The following CALD1 variants were observed in gnomAD, a reference collection of about 807,000 sequenced individuals.
The protein encoded by CALD1 is caldesmon 1.
In CALD1, 33 loss-of-function variants were observed where a neutral mutation model predicts 99.9. The observed-to-expected ratio is 0.33, with a 90% CI of 0.25 to 0.44. The LOEUF is 0.44. Among genes scored for constraint, CALD1 ranks in the 20% least tolerant of loss-of-function variants. The pLI, the probability that CALD1 is intolerant of heterozygous loss-of-function variation, is 1.00. For missense variants in CALD1, 861 were observed against 962.1 expected (o/e 0.89, Z 1.39); for synonymous variants, 310 against 325.0 (o/e 0.95, Z 0.50).
chr7:134,755,389 T>G (rs1290583392), intron 1 of CALD1, among the ~76,000 whole-genome samples: 6 of 152,346 alleles, frequency 3.9e-5, no homozygotes, highest in Non-Finnish European at 5.9e-5. Flanking sequence ...GAAAATATGC[T>G]TCATTATTGT....
At chr7:134,829,934 A>T (rs1040085768) in intron 1 of CALD1, among the ~76,000 whole-genome samples, 1 of 152,180 alleles carries the variant, frequency 6.6e-6, no homozygotes, top group Admixed American at 6.5e-5. Context: ...AGAGGGAGTA[A>T]CGGTAGATGA....
chr7:134,766,599 C>G (rs1796828955), intron 1 of CALD1, among the ~76,000 whole-genome samples: 1 of 152,172 alleles, frequency 6.6e-6, no homozygotes, highest in Non-Finnish European at 1.5e-5. Flanking sequence ...CGCAAAGCAG[C>G]TTCATATGCA....
At chr7:134,854,847 T>C (rs1240289644) in intron 2 of CALD1, among the ~76,000 whole-genome samples, 1 of 152,194 alleles carries the variant, frequency 6.6e-6, no homozygotes, top group Admixed American at 6.5e-5. Flanking sequence ...TCATGTCGAA[T>C]TGTGATCCCC....
intron 3 of CALD1, among the ~76,000 whole-genome samples, chr7:134,909,588 C>T (rs1395306769): frequency 6.6e-6 from 1 of 152,108 alleles, no homozygotes; most frequent in Non-Finnish European, 1.5e-5. Flanking sequence ...GAGGCTGAGG[C>T]AGGAGAATTG....
At chr7:134,865,682 T>G (rs541128320) in intron 2 of CALD1, among the ~76,000 whole-genome samples, 4 of 152,206 alleles carry the variant, frequency 2.6e-5, no homozygotes, top group Non-Finnish European at 4.4e-5. Context: ...GACCTCACGA[T>G]GTTAGTTTCA....
At chr7:134,824,257 G>T (rs17168075) in intron 1 of CALD1, among the ~76,000 whole-genome samples, 6,838 of 152,232 alleles carry the variant, frequency 0.045, 498 homozygotes, top group African/African-American at 0.15. Flanking sequence ...GGGACTCAAA[G>T]GTGGTCATTT....
In CALD1 at chr7:134,839,074, CAG is replaced by C. The variant is rs373610172; in HGVS notation, c.-129-4807_-129-4806del. The stretch of plus-strand genomic sequence containing the variant: ...TTCAGAAGCACCCTAAATGTCCCTT[CAG>C]AGTCATGCCTTCCCCCACCCAGCCA... On this transcript the variant is annotated intron_variant, in intron 1 of 14. Transcript: ENST00000361675. Among the ~76,000 whole-genome samples the C allele has an allele frequency of 5.9e-3, 898 of 152,336 alleles. 14 individuals carry two copies. Among genetic ancestry groups the C allele is most frequent in the African/African-American group, 0.02 (850 of 41,584 alleles).
chr7:134,927,551 C>CA (rs58182455), intron 3 of CALD1, among the ~76,000 whole-genome samples: 18,942 of 40,092 alleles, frequency 0.47, 4,755 homozygotes, highest in East Asian at 0.83. Flanking sequence ...GACTGTGTCT[C>CA]AAAAAAAAAA....
At position 134,905,956 on chromosome 7, in the gene CALD1, T is replaced by G. The variant is rs201486943; in HGVS notation, c.72-22798T>G. Among the ~76,000 whole-genome samples, 109 of 144,904 alleles carry G rather than the reference T, an allele frequency of 7.5e-4. 3 individuals are homozygous for G. The East Asian group carries it at 0.018, about 23-fold the overall frequency. The stretch of plus-strand genomic sequence containing the variant: ...TTTTTTTTTTTTTTTTGAGACAGAG[T>G]TTTGCTCTTGTCTCCCATTCTGGAG... On this transcript the variant is annotated intron_variant, in intron 3 of 14. Transcript: ENST00000361675.
At chr7:134,932,964 G>A in intron 4 of CALD1, 24 bp from the exon 5 acceptor site, 11 of 1,512,466 alleles carry the variant, frequency 7.3e-6, no homozygotes, top group Non-Finnish European at 1.0e-5. Flanking sequence ...AGCTGTCTTT[G>A]GTGTTGTTCT....
chr7:134,938,878 C>T (rs971426495), intron 6 of CALD1, among the ~76,000 whole-genome samples: 17 of 152,040 alleles, frequency 1.1e-4, no homozygotes, highest in African/African-American at 4.1e-4. Context: ...ATTTTAAACA[C>T]TTTTGGGACC....
chr7:134,800,559 C>T (rs977108855), intron 1 of CALD1, among the ~76,000 whole-genome samples: 13 of 151,944 alleles, frequency 8.6e-5, no homozygotes, highest in Non-Finnish European at 1.5e-4. Flanking sequence ...TTGTTATTTA[C>T]TTATTACATA....
At chr7:134,754,376 T>C (rs1423220635) in intron 1 of CALD1, among the ~76,000 whole-genome samples, 5 of 152,254 alleles carry the variant, frequency 3.3e-5, no homozygotes, top group Admixed American at 3.3e-4. Context: ...GTATCATGTC[T>C]TCTTCATGAC....
chr7:134,945,375 G>A (rs1405315277), intron 7 of CALD1, among the ~76,000 whole-genome samples: 7 of 152,166 alleles, frequency 4.6e-5, no homozygotes, highest in Non-Finnish European at 1.0e-4. Flanking sequence ...AAGAGGTGGA[G>A]AGATGGAATA....
At chr7:134,915,644 T>C (rs968598682) in intron 3 of CALD1, among the ~76,000 whole-genome samples, 1 of 152,238 alleles carries the variant, frequency 6.6e-6, no homozygotes, top group Non-Finnish European at 1.5e-5. Flanking sequence ...AGAGTCCTGA[T>C]TCCCTGAGTC....
At chr7:134,737,580 C>T in the CALD1 span, among the ~76,000 whole-genome samples, 1 of 151,998 alleles carries the variant, frequency 6.6e-6, no homozygotes, top group African/African-American at 2.4e-5. Context: ...TCTAAACATG[C>T]TTATTTTGTA....
intron 3 of CALD1, among the ~76,000 whole-genome samples, chr7:134,924,383 C>T (rs1033110138): frequency 9.3e-5 from 14 of 150,968 alleles, no homozygotes; most frequent in Admixed American, 3.3e-4. Flanking sequence ...TTTTCAATTT[C>T]GGAAGAAAAA....
intron 3 of CALD1, among the ~76,000 whole-genome samples, chr7:134,918,355 C>T (rs563064563): frequency 2.2e-4 from 34 of 152,292 alleles, no homozygotes; most frequent in Non-Finnish European, 3.8e-4. Flanking sequence ...AAAGCTTGTG[C>T]CTCATCTGTT....
chr7:134,912,911 T>C (rs1383614166), intron 3 of CALD1, among the ~76,000 whole-genome samples: 1 of 152,150 alleles, frequency 6.6e-6, no homozygotes, highest in African/African-American at 2.4e-5. Context: ...AAGATATTAG[T>C]ACTGTGCTTC....
Sources: gnomAD v4.1 joint callset for allele counts (sites outside exome capture counted in the v4.1 genomes callset) on GRCh38, gnomAD v4.1.1 for gene constraint, MANE v1.5 for transcripts, NCBI Gene and HGNC (gene_info 2026-07-23, HGNC 2026-07-21) for gene names.